Variants in NINJ2 observed in about 807,000 individuals in gnomAD.
NINJ2 encodes ninjurin-2.
Under a neutral mutation model 11.7 loss-of-function variants are expected in NINJ2, and 12 were observed. The ratio of observed to expected loss-of-function variants is 1.02; its 90% CI spans 0.66 to 1.66. The LOEUF is 1.66. Among genes scored for constraint, NINJ2 ranks in the 40% most tolerant of loss-of-function variants. The pLI is 0.00. For missense variants in NINJ2, 187 were observed against 181.8 expected (o/e 1.03, Z -0.16); for synonymous variants, 93 against 76.8 (o/e 1.21, Z -1.10).
At chr12:574,157 G>A (rs1947418401) in intron 1 of NINJ2, among the ~76,000 whole-genome samples, 1 of 152,072 alleles carries the variant, frequency 6.6e-6, no homozygotes, top group Non-Finnish European at 1.5e-5. Flanking sequence ...GGAAGGCAGA[G>A]GTTGCAGTGA....
intron 1 of NINJ2, among the ~76,000 whole-genome samples, chr12:629,896 A>AAAAATATATATATATATATATAT: frequency 1.0e-4 from 1 of 9,904 alleles, no homozygotes; most frequent in African/African-American, 1.5e-4. Context: ...AAAAAAAAAA[A>AAAAATATATATATATATATATAT]ATATATATAT....
chr12:611,114 C>G lies in NINJ2; in HGVS notation c.34-44936G>C, dbSNP rs1462463425. Among the ~76,000 whole-genome samples, 4 of 152,214 alleles carry G rather than the reference C, an allele frequency of 2.6e-5. 1 individual carries two copies. The highest frequency in any genetic ancestry group is 1.3e-4 in the Admixed American group (2 of 15,286). On this transcript the variant is annotated intron_variant, in intron 1 of 3. Coordinates refer to ENST00000305108, the MANE Select transcript of NINJ2 (RefSeq NM_016533.6). Reference sequence around the variant, plus strand: ...TCCCAAGAACTTCCTTTTCTGTGCCCTAAGTTACGATAGAGGAAGAGGCAC... The same window carrying G: ...TCCCAAGAACTTCCTTTTCTGTGCCGTAAGTTACGATAGAGGAAGAGGCAC...
At position 576,473 on chromosome 12, in the gene NINJ2, T is replaced by C. The variant is rs566906019; in HGVS notation, c.34-10295A>G. 7.2e-5 allele frequency among the ~76,000 whole-genome samples: 11 copies of C among 152,356 alleles called. No individual in the cohort carries two copies. In the South Asian group the frequency reaches 2.3e-3, roughly 32 times the overall value. On this transcript the variant is annotated intron_variant, in intron 1 of 3. Transcript: ENST00000305108. ...GTGCGTTGAAACCGGAACTCGGGCCTGCTTGCTTGCTTATTTATTTTAGTT... is the reference window on the plus strand; with the variant it reads ...GTGCGTTGAAACCGGAACTCGGGCCCGCTTGCTTGCTTATTTATTTTAGTT...
chr12:608,714 G>A (rs1437459213), intron 1 of NINJ2, among the ~76,000 whole-genome samples: 1 of 137,114 alleles, frequency 7.3e-6, no homozygotes, highest in Admixed American at 6.8e-5. Context: ...AGCTAAATAT[G>A]AATAACTCAG....
chr12:637,657 A>G (rs1948369234), intron 1 of NINJ2, among the ~76,000 whole-genome samples: 1 of 151,018 alleles, frequency 6.6e-6, no homozygotes, highest in Non-Finnish European at 1.5e-5. Context: ...AAAAAAAAAG[A>G]AAAAGAAAAA....
In NINJ2 at chr12:580,027, G is replaced by C. The variant is rs541079503; in HGVS notation, c.34-13849C>G. Reference sequence around the variant, plus strand: ...GCCTCTGGCTGCTGGTTCAAAAGACGGTTTGGATCCATTCACTCCTCTCTG... The same window carrying C: ...GCCTCTGGCTGCTGGTTCAAAAGACCGTTTGGATCCATTCACTCCTCTCTG... On this transcript the variant is annotated intron_variant, in intron 1 of 3. Coordinates refer to ENST00000305108, the MANE Select transcript of NINJ2 (RefSeq NM_016533.6). This position sits in a 1 kb window ranked among gnomAD's most constrained non-coding sequence, Gnocchi z 4.7. Among the ~76,000 whole-genome samples, 2 of 151,878 alleles carry C rather than the reference G, an allele frequency of 1.3e-5. No individual in the cohort carries two copies. Among genetic ancestry groups the C allele is most frequent in the African/African-American group, 4.8e-5 (2 of 41,472 alleles).
At chr12:573,330 A>G (rs371630333) in intron 1 of NINJ2, among the ~76,000 whole-genome samples, 1 of 152,260 alleles carries the variant, frequency 6.6e-6, no homozygotes, top group African/African-American at 2.4e-5. Flanking sequence ...CCAGGCCCAG[A>G]GCCTGTAATT....
intron 1 of NINJ2, among the ~76,000 whole-genome samples, chr12:646,275 ATC>A (rs1937682852): frequency 6.6e-6 from 1 of 152,118 alleles, no homozygotes; most frequent in African/African-American, 2.4e-5. Context: ...GTGAAGCGAA[ATC>A]TCAGCTTTTA....
At chr12:601,329 G>C (rs201481982) in intron 1 of NINJ2, among the ~76,000 whole-genome samples, 8 of 146,052 alleles carry the variant, frequency 5.5e-5, no homozygotes, top group African/African-American at 2.0e-4. Context: ...GGCGGATCAG[G>C]AAGTCAGGAG....
intron 1 of NINJ2, among the ~76,000 whole-genome samples, chr12:587,868 C>A (rs562234021): frequency 1.3e-5 from 2 of 152,336 alleles, no homozygotes; most frequent in East Asian, 3.9e-4. Flanking sequence ...GCCTTGGTGA[C>A]ACCTCTCACC....
chr12:653,018 C>CTTTTTT (rs377056940), intron 1 of NINJ2, among the ~76,000 whole-genome samples: 18 of 96,220 alleles, frequency 1.9e-4, no homozygotes, highest in African/African-American at 2.8e-4. Context: ...TATTTTGTTT[C>CTTTTTT]TTTTTTTTTT....
In NINJ2 at chr12:585,051, G is replaced by A. The variant is rs369812609; in HGVS notation, c.34-18873C>T. ...GGAGAATCACTTGAACCGGGGAGGCGGAGGTTGAAGTGGGCTGAGATCGCG... is the reference window on the plus strand; with the variant it reads ...GGAGAATCACTTGAACCGGGGAGGCAGAGGTTGAAGTGGGCTGAGATCGCG... On this transcript the variant is annotated intron_variant, in intron 1 of 3. Transcript: ENST00000305108. This position sits in a 1 kb window ranked among gnomAD's most constrained non-coding sequence, Gnocchi z 4.1. 1.7e-4 allele frequency among the ~76,000 whole-genome samples: 26 copies of A among 152,354 alleles called. No individual in the cohort carries two copies. The highest frequency in any genetic ancestry group is 1.3e-3 in the East Asian group (7 of 5,192).
chr12:642,842 G>A (rs1192301585), intron 1 of NINJ2: 2 of 151,596 alleles, frequency 1.3e-5, no homozygotes, highest in East Asian at 3.9e-4. Flanking sequence ...TGCGGGAAGT[G>A]GGCTCGGGGC....
chr12:642,557 A>T (rs4980956), intron 1 of NINJ2: 2 of 152,180 alleles, frequency 1.3e-5, no homozygotes, highest in East Asian at 1.9e-4. Flanking sequence ...AGGGAAGCCC[A>T]GGGAAAACTC....
At chr12:660,414 C>T (rs183342090) in intron 1 of NINJ2, among the ~76,000 whole-genome samples, 228 of 148,608 alleles carry the variant, frequency 1.5e-3, no homozygotes, top group African/African-American at 5.5e-3. Flanking sequence ...GATCTCCGCT[C>T]ACCACAACCT....
intron 1 of NINJ2, among the ~76,000 whole-genome samples, chr12:649,567 T>G (rs977041128): frequency 3.8e-5 from 4 of 105,968 alleles, no homozygotes; most frequent in Non-Finnish European, 6.2e-5. Context: ...GCCCATGAAA[T>G]CTACTCATTT....
chr12:612,051 C>T (rs1436552982), intron 1 of NINJ2, among the ~76,000 whole-genome samples: 2 of 152,204 alleles, frequency 1.3e-5, no homozygotes, highest in Non-Finnish European at 2.9e-5. Flanking sequence ...TCTATCCCCT[C>T]CCTCCCTTTT....
In NINJ2 at chr12:628,199, A is replaced by G. The variant is rs1314102848; in HGVS notation, c.33+35129T>C. On this transcript the variant is annotated intron_variant, in intron 1 of 3. Transcript: ENST00000305108. This position sits in a 1 kb window ranked among gnomAD's most constrained non-coding sequence, Gnocchi z 4.4. ...TGCTGCTCTGGGTGGAGAAGGGGCC[A>G]TGAGCCTCTGGCAGGCCTCTGTGTC... Among the ~76,000 whole-genome samples, 1 of 152,150 alleles carries G rather than the reference A, an allele frequency of 6.6e-6. No homozygotes were observed. Among genetic ancestry groups the G allele is most frequent in the African/African-American group, 2.4e-5 (1 of 41,432 alleles).
chr12:637,186 T>C (rs1438498038), intron 1 of NINJ2, among the ~76,000 whole-genome samples: 2 of 150,078 alleles, frequency 1.3e-5, no homozygotes, highest in Admixed American at 6.7e-5. Flanking sequence ...CCGTCTCTAC[T>C]AAAAATACAA....
Sources: gnomAD v4.1 joint callset for allele counts (sites outside exome capture counted in the v4.1 genomes callset) on GRCh38, gnomAD v4.1.1 for gene constraint, Gnocchi (gnomAD v3.1) non-coding constraint, MANE v1.5 for transcripts, NCBI Gene and HGNC (gene_info 2026-07-23, HGNC 2026-07-21) for gene names.